DSE: variants seen among roughly 807,000 people sequenced by gnomAD.
The protein encoded by DSE is dermatan-sulfate epimerase.
DSE carries 36 observed loss-of-function variants against 84.4 expected under a neutral mutation model. That is an observed-to-expected ratio of 0.43 (90% confidence interval 0.33 to 0.56). The LOEUF (loss-of-function observed/expected upper bound fraction) is 0.56, where lower values mean the gene tolerates loss of function less well. Among genes scored for constraint, DSE ranks in the 20% least tolerant of loss-of-function variants. The probability of loss-of-function intolerance (pLI) is 0.06; values close to 1 mark genes in which losing one functional copy is unlikely to be tolerated. For missense variants in DSE, 862 were observed against 1,169.6 expected, an observed-to-expected ratio of 0.74 and a Z score of 3.84; for synonymous variants, 410 against 430.1, an observed-to-expected ratio of 0.95 and a Z score of 0.58.
intron 2 of DSE, among the ~76,000 whole-genome samples, chr6:116,414,612 A>G (rs999167764): frequency 1.3e-5 from 2 of 151,810 alleles, no homozygotes; most frequent in African/African-American, 2.4e-5. Context: ...GGGTTTCTGC[A>G]TGTTGGTCAG....
intron 2 of DSE, among the ~76,000 whole-genome samples, chr6:116,265,092 C>T (rs1198571868): frequency 2.0e-5 from 3 of 152,150 alleles, no homozygotes; most frequent in Admixed American, 2.0e-4. Context: ...CAGCAGAGTG[C>T]TAGCAGGTGC....
intron 2 of DSE, among the ~76,000 whole-genome samples, chr6:116,415,241 GTC>G (rs946877032): frequency 6.6e-6 from 1 of 152,156 alleles, no homozygotes; most frequent in Non-Finnish European, 1.5e-5. Context: ...TCTGGAAATT[GTC>G]TCTCTGAGTT....
At chr6:116,413,221 G>A (rs1237601276) in intron 2 of DSE, among the ~76,000 whole-genome samples, 1 of 152,154 alleles carries the variant, frequency 6.6e-6, no homozygotes. Context: ...TGTTTCATGA[G>A]ATAGCCCTTG....
At chr6:116,425,626 TTTA>T (rs1366992292) in intron 2 of DSE, among the ~76,000 whole-genome samples, 1 of 94,000 alleles carries the variant, frequency 1.1e-5, no homozygotes, top group Admixed American at 1.1e-4. Context: ...TTTATTTTAT[TTTA>T]TTTTTTTTTT....
At chr6:116,381,244 A>AGC (rs1305449699) in intron 1 of DSE, among the ~76,000 whole-genome samples, 5 of 152,078 alleles carry the variant, frequency 3.3e-5, no homozygotes, top group Admixed American at 2.6e-4. Flanking sequence ...GATAAGAGAG[A>AGC]GTAACATAGG....
chr6:116,279,800 T>C, intron 2 of DSE: 3 of 1,612,434 alleles, frequency 1.9e-6, no homozygotes, highest in East Asian at 2.2e-5. Context: ...TGGAGGGGAG[T>C]GGTCCTCTTG....
rs909295583 is a variant in DSE at position 116,444,589 on chromosome 6, AC to A, written c.*7246del. The stretch of plus-strand genomic sequence containing the variant: ...CTCCTCTCAAAATTAATATGTTGAA[AC>A]CTAATCCTTAATGTGATAGTATTAG... On this transcript the variant is annotated 3_prime_UTR_variant, in exon 6 of 6. Transcript: ENST00000644252. The A allele has an allele frequency of 6.6e-6, 1 of 152,154 alleles. No homozygotes were observed. The highest frequency in any genetic ancestry group is 2.4e-5 in the African/African-American group (1 of 41,438). The allele number at this position is 152,154 out of a possible 1,614,324, so 9.4% of individuals were successfully genotyped here. A position where few individuals can be genotyped will look rare whatever the true frequency, so the allele number is the denominator to read the frequency against.
chr6:116,309,851 A>G (rs1404660571), intron 2 of DSE, among the ~76,000 whole-genome samples: 1 of 152,116 alleles, frequency 6.6e-6, no homozygotes, highest in Admixed American at 6.5e-5. Flanking sequence ...ACCTAATCCA[A>G]TTCATGAGGG....
intron 2 of DSE, chr6:116,278,795 C>T (rs770717514): frequency 4.3e-6 from 7 of 1,613,978 alleles, no homozygotes; most frequent in South Asian, 1.1e-5. Flanking sequence ...ACCACTCGGC[C>T]GGAGGATCTT....
chr6:116,293,810 G>A (rs1025672310), intron 2 of DSE, among the ~76,000 whole-genome samples: 5 of 151,880 alleles, frequency 3.3e-5, no homozygotes, highest in Non-Finnish European at 5.9e-5. Context: ...GAGCCAGGGA[G>A]ATCAAGGCTG....
At chr6:116,425,628 TA>T (rs68123592) in intron 2 of DSE, among the ~76,000 whole-genome samples, 77,430 of 139,780 alleles carry the variant, frequency 0.55, 22,314 homozygotes, top group Middle Eastern at 0.65. Flanking sequence ...TATTTTATTT[TA>T]TTTTTTTTTT....
chr6:116,320,505 G>A (rs1011068157), intron 2 of DSE, among the ~76,000 whole-genome samples: 2 of 151,942 alleles, frequency 1.3e-5, no homozygotes, highest in Non-Finnish European at 2.9e-5. Context: ...GCAGGTTGGG[G>A]CAGGTGAAGG....
intron 2 of DSE, among the ~76,000 whole-genome samples, chr6:116,411,096 G>T (rs889206738): frequency 6.6e-6 from 1 of 152,084 alleles, no homozygotes; most frequent in Non-Finnish European, 1.5e-5. Flanking sequence ...TATCTCTCAA[G>T]CTTTATTTTT....
At chr6:116,280,111 T>C (rs1430274973) in intron 2 of DSE, 1 of 517,736 alleles carries the variant, frequency 1.9e-6, no homozygotes, top group Non-Finnish European at 3.6e-6. Context: ...TTGTGCTGAG[T>C]CTGGAAGCGC....
intron 1 of DSE, chr6:116,258,308 A>C: frequency 9.8e-5 from 44 of 447,252 alleles, no homozygotes; most frequent in East Asian, 1.5e-4. Flanking sequence ...GAGCCACCGG[A>C]CCTGGCCAGA....
chr6:116,426,339 C>T (rs898794417), intron 2 of DSE, among the ~76,000 whole-genome samples: 1 of 152,182 alleles, frequency 6.6e-6, no homozygotes, highest in Non-Finnish European at 1.5e-5. Flanking sequence ...TAAAAATTCT[C>T]AACATCTCGA....
chr6:116,362,779 C>A (rs1486862669), intron 2 of DSE, among the ~76,000 whole-genome samples: 1 of 152,162 alleles, frequency 6.6e-6, no homozygotes, highest in Admixed American at 6.6e-5. Flanking sequence ...CCAGAAATTT[C>A]GCTTTAATTT....
At position 116,437,927 on chromosome 6, in the gene DSE, T is replaced by C. The variant is rs1784280677; in HGVS notation, c.*582T>C. ...GCTATTCAGATAACATGGCAAAAAA[T>C]GATAGCAGAAGATCATTAAAAACTT... On this transcript the variant is annotated 3_prime_UTR_variant, in exon 6 of 6. Coordinates refer to ENST00000644252, the MANE Select transcript of DSE (RefSeq NM_013352.4). The C allele has an allele frequency of 6.6e-6, 1 of 152,136 alleles. No individual in the cohort carries two copies. The highest frequency in any genetic ancestry group is 1.5e-5 in the Non-Finnish European group (1 of 68,004). The allele number at this position is 152,136 out of a possible 1,614,324, so 9.4% of individuals were successfully genotyped here. A position where few individuals can be genotyped will look rare whatever the true frequency, so the allele number is the denominator to read the frequency against.
intron 2 of DSE, among the ~76,000 whole-genome samples, chr6:116,426,046 T>A (rs183048349): frequency 6.6e-6 from 1 of 152,324 alleles, no homozygotes. Flanking sequence ...CCCACCATGG[T>A]GATGACCAAG....
Sources: gnomAD v4.1 joint callset for allele counts (sites outside exome capture counted in the v4.1 genomes callset) on GRCh38, gnomAD v4.1.1 for gene constraint, MANE v1.5 for transcripts, NCBI Gene and HGNC (gene_info 2026-07-23, HGNC 2026-07-21) for gene names.